Variants in CPNE3 observed in about 807,000 individuals in gnomAD.
CPNE3 encodes copine-3.
A neutral mutation model predicts 63.9 loss-of-function variants in CPNE3; 68 were observed. The observed-to-expected ratio is 1.06, with a 90% CI of 0.87 to 1.30. CPNE3 has a LOEUF of 1.30. Among genes scored for constraint, CPNE3 ranks in the 50% most tolerant of loss-of-function variants. CPNE3 has a pLI of 0.00. For missense variants in CPNE3, 665 were observed against 578.1 expected (o/e 1.15, Z -1.54); for synonymous variants, 219 against 197.5 (o/e 1.11, Z -0.91).
In CPNE3 at chr8:86,531,202, C is replaced by T; in HGVS notation, c.360C>T (p.Gly120=). 3 of 1,312,284 alleles carry T rather than the reference C, an allele frequency of 2.3e-6. No individual in the cohort carries two copies. The highest frequency in any genetic ancestry group is 1.8e-4 in the Middle Eastern group (1 of 5,490). The allele number at this position is 1,312,284 out of a possible 1,614,324, so 81.3% of individuals were successfully genotyped here. A position where few individuals can be genotyped will look rare whatever the true frequency, so the allele number is the denominator to read the frequency against. ...CTCGACCACTGGTGATGAAAACTGG[C>T]AGACCTGCAGGAAAAGGGAGCATTA... ...KLTRPLVMKT[G]RPAGKGSITI... is the part of the protein sequence containing the mutation. The change falls in exon 5 of 17, where the codon GGC becomes GGT. Residue 120 remains glycine, a synonymous_variant. Coordinates refer to ENST00000517490, the MANE Select transcript of CPNE3 (RefSeq NM_003909.5).
chr8:86,528,585 T>C lies in CPNE3; in HGVS notation c.40T>C (p.Ser14Pro), dbSNP rs1318297207. Reference protein sequence around the residue: ...QCVTKVALNVSCANLLDKDIG... With the variant: ...QCVTKVALNVPCANLLDKDIG... ...TGTCACAAAGGTGGCGCTGAATGTT[T>C]CCTGTGCCAATCTTTTGGATAAAGA... Residue 14 changes from serine (S) to proline (P), a missense_variant, in exon 3 of 17, where the codon TCC becomes CCC. Coordinates refer to ENST00000517490, the MANE Select transcript of CPNE3 (RefSeq NM_003909.5). The C allele has an allele frequency of 3.1e-6, 5 of 1,614,122 alleles. No individual in the cohort carries two copies. In the South Asian group the frequency reaches 3.3e-5, roughly 11 times the overall value.
At chr8:86,552,113 A>T (rs1821193974) in intron 14 of CPNE3, among the ~76,000 whole-genome samples, 1 of 152,268 alleles carries the variant, frequency 6.6e-6, no homozygotes, top group Non-Finnish European at 1.5e-5. Context: ...GTGTGGGAGC[A>T]GAGGCATAAT....
chr8:86,519,955 G>A lies in CPNE3; in HGVS notation c.-11+4456G>A, dbSNP rs557961267. Among the ~76,000 whole-genome samples, 285 of 152,100 alleles carry A rather than the reference G, an allele frequency of 1.9e-3. 1 individual carries two copies. Among genetic ancestry groups the A allele is most frequent in the Middle Eastern group, 6.8e-3 (2 of 294 alleles). On this transcript the variant is annotated intron_variant, in intron 2 of 16. Transcript: ENST00000517490. The stretch of plus-strand genomic sequence containing the variant: ...TTGAACTACTGACCTCAGACCATCC[G>A]CCCGCCTCAGCCTCCCAAAGTGCTG...
chr8:86,551,143 GCAGCC>G (rs746600903), intron 13 of CPNE3, 35 bp from the exon 14 acceptor site: 1 of 1,612,410 alleles, frequency 6.2e-7, no homozygotes, highest in Non-Finnish European at 8.5e-7. Flanking sequence ...TCCTAGAAAA[GCAGCC>G]CAGCCCTCAT....
Position 86,529,133 on chromosome 8 carries a change from A to T in CPNE3, c.312+9A>T, listed in dbSNP as rs200908478. The T allele has an allele frequency of 4.5e-5, 73 of 1,607,112 alleles. No individual in the cohort carries two copies. The highest frequency in any genetic ancestry group is 4.0e-4 in the Admixed American group (24 of 59,388). ...AATGTACCCTTGGACAAGTAAGTAT[A>T]AATAGCCACTGTACTCTATTTTGTC... On this transcript the variant is annotated intron_variant, in intron 4 of 16. Transcript: ENST00000517490.
intron 9 of CPNE3, among the ~76,000 whole-genome samples, chr8:86,545,959 A>C (rs914412851): frequency 6.6e-6 from 1 of 152,200 alleles, no homozygotes. Context: ...TAGCAGTGGA[A>C]GTTACAGAGG....
chr8:86,538,397 C>T (rs1456221222), intron 7 of CPNE3, among the ~76,000 whole-genome samples: 3 of 152,010 alleles, frequency 2.0e-5, no homozygotes, highest in African/African-American at 7.2e-5. Context: ...TAAATAAATG[C>T]TACAGCAGGT....
At chr8:86,533,884 C>T (rs572093628) in intron 6 of CPNE3, among the ~76,000 whole-genome samples, 2 of 130,404 alleles carry the variant, frequency 1.5e-5, no homozygotes, top group Admixed American at 2.0e-4. Context: ...TTTCCTCCCT[C>T]CCTTCCTTCC....
chr8:86,517,735 A>C (rs954577720), intron 2 of CPNE3, among the ~76,000 whole-genome samples: 1 of 152,090 alleles, frequency 6.6e-6, no homozygotes, highest in African/African-American at 2.4e-5. Context: ...ATTTGTCTTC[A>C]TTGTTGTCTG....
At chr8:86,539,550 A>T (rs1820881112) in intron 7 of CPNE3, among the ~76,000 whole-genome samples, 1 of 151,940 alleles carries the variant, frequency 6.6e-6, no homozygotes, top group Non-Finnish European at 1.5e-5. Context: ...TCTCCAATTC[A>T]ATTCCAACAT....
At chr8:86,554,312 T>G (rs1821262488) in intron 14 of CPNE3, among the ~76,000 whole-genome samples, 1 of 152,194 alleles carries the variant, frequency 6.6e-6, no homozygotes, top group Non-Finnish European at 1.5e-5. Flanking sequence ...AACCTGGAAG[T>G]GAATATTTGG....
chr8:86,517,214 A>T (rs1270453628), intron 2 of CPNE3, among the ~76,000 whole-genome samples: 1 of 152,238 alleles, frequency 6.6e-6, no homozygotes, highest in Non-Finnish European at 1.5e-5. Context: ...AAGACATTAA[A>T]ATTCATCAGT....
chr8:86,548,506 G>A (rs1304597873), intron 12 of CPNE3, 72 bp downstream of exon 12: 20 of 1,581,686 alleles, frequency 1.3e-5, no homozygotes, highest in Middle Eastern at 1.7e-4. Context: ...TGTTTCATCG[G>A]CTAGCACTCT....
chr8:86,546,142 T>A (rs1363439906), intron 9 of CPNE3, among the ~76,000 whole-genome samples: 1 of 152,138 alleles, frequency 6.6e-6, no homozygotes, highest in Non-Finnish European at 1.5e-5. Flanking sequence ...GAGTTGGGCT[T>A]CATATATTTG....
chr8:86,548,509 A>G (rs1051460893), intron 12 of CPNE3, 75 bp downstream of exon 12: 4 of 1,577,406 alleles, frequency 2.5e-6, no homozygotes, highest in African/African-American at 2.7e-5. Context: ...TTCATCGGCT[A>G]GCACTCTGAT....
At position 86,546,591 on chromosome 8, in the gene CPNE3, A is replaced by G; in HGVS notation, c.733-4A>G. 1 of 1,610,648 alleles carries G rather than the reference A, an allele frequency of 6.2e-7. No individual in the cohort carries two copies. Among genetic ancestry groups the G allele is most frequent in the Non-Finnish European group, 8.5e-7 (1 of 1,179,080 alleles). On this transcript the variant is annotated splice_region_variant and splice_polypyrimidine_tract_variant and intron_variant, in intron 9 of 16. Transcript: ENST00000517490. ...AGTAACATTTTTGTCTTCTCTTCCT[A>G]CAGGTTGAATTTGAATGCATAAATG...
At chr8:86,546,780 C>T (rs1409913260) in intron 10 of CPNE3, 99 bp downstream of exon 10, 17 of 1,263,076 alleles carry the variant, frequency 1.3e-5, no homozygotes, top group East Asian at 2.9e-5. Context: ...GGTGTGATCT[C>T]GGCTCACTGC....
chr8:86,515,254 T>C (rs868551852), intron 1 of CPNE3: 2 of 152,238 alleles, frequency 1.3e-5, no homozygotes, highest in Non-Finnish European at 1.5e-5. Context: ...TTGCACTTAA[T>C]GATCATCTGC....
At chr8:86,522,548 CTTTTTTTTTTT>C (rs36073581) in intron 2 of CPNE3, among the ~76,000 whole-genome samples, 35,985 of 82,308 alleles carry the variant, frequency 0.44, 6,608 homozygotes, top group Middle Eastern at 0.59. Context: ...ACGCCCGCTG[CTTTTTTTTTTT>C]TTTTTTTTTT....
Sources: gnomAD v4.1 joint callset for allele counts (sites outside exome capture counted in the v4.1 genomes callset) on GRCh38, gnomAD v4.1.1 for gene constraint, MANE v1.5 for transcripts, NCBI Gene and HGNC (gene_info 2026-07-23, HGNC 2026-07-21) for gene names.